Variants in DLG2 observed in about 807,000 individuals in gnomAD.
DLG2 encodes disks large homolog 2.
Under a neutral mutation model 132.5 loss-of-function variants are expected in DLG2, and 45 were observed. That is an observed-to-expected ratio of 0.34 (90% CI 0.27 to 0.44). DLG2 has a LOEUF of 0.44. DLG2 is among the 20% of genes least tolerant of loss of function. The pLI is 1.00. For synonymous variants in DLG2, 424 were observed against 419.6 expected (o/e 1.01, Z -0.13); for missense variants, 1,045 against 1,196.9 (o/e 0.87, Z 1.87).
chr11:85,286,530 G>A (rs1489885578), intron 3 of DLG2, among the ~76,000 whole-genome samples: 29 of 152,220 alleles, frequency 1.9e-4, no homozygotes. Flanking sequence ...TGGCCTCTGT[G>A]CAGCATTGCT....
At chr11:85,600,714 C>T (rs920094741) in intron 2 of DLG2, among the ~76,000 whole-genome samples, 2 of 152,086 alleles carry the variant, frequency 1.3e-5, no homozygotes, top group Admixed American at 6.5e-5. Context: ...AATAAAACAA[C>T]AAAGATAGTT....
At chr11:83,607,790 G>T (rs746743301) in intron 19 of DLG2, among the ~76,000 whole-genome samples, 46 of 152,148 alleles carry the variant, frequency 3.0e-4, no homozygotes, top group Non-Finnish European at 4.7e-4. Context: ...GTAATAAAAA[G>T]CAGCAGACTA....
chr11:83,675,289 G>C (rs1438213283), intron 18 of DLG2, among the ~76,000 whole-genome samples: 4 of 152,148 alleles, frequency 2.6e-5, no homozygotes, highest in Admixed American at 1.3e-4. Context: ...TTGACATTTT[G>C]TTAACAAATA....
In DLG2 at chr11:83,545,073, G is replaced by A. The variant is rs989546865; in HGVS notation, c.1941-3215C>T. ...GCCTGACTCCAGGCTCCTTCTGGAT[G>A]TAAACTATGGGGAGTTGAGGTAGAG... On this transcript the variant is annotated intron_variant, in intron 19 of 27. Coordinates refer to ENST00000376104, the MANE Select transcript of DLG2 (RefSeq NM_001142699.3). Among the ~76,000 whole-genome samples, 3 of 152,222 alleles carry A rather than the reference G, an allele frequency of 2.0e-5. No individual in the cohort carries two copies. In the South Asian group the frequency reaches 6.2e-4, roughly 32 times the overall value.
intron 6 of DLG2, among the ~76,000 whole-genome samples, chr11:85,075,350 C>G (rs1257205822): frequency 6.6e-6 from 1 of 151,774 alleles, no homozygotes; most frequent in Non-Finnish European, 1.5e-5. Flanking sequence ...GGATGTGTGT[C>G]TAAGGATGTT....
At chr11:84,854,802 T>G (rs867895458) in intron 6 of DLG2, among the ~76,000 whole-genome samples, 1 of 152,048 alleles carries the variant, frequency 6.6e-6, no homozygotes, top group South Asian at 2.1e-4. Context: ...TGTGGACTGC[T>G]CTCTGTACCC....
chr11:84,633,169 T>C (rs1189140619), intron 6 of DLG2, among the ~76,000 whole-genome samples: 2 of 152,218 alleles, frequency 1.3e-5, no homozygotes, highest in African/African-American at 4.8e-5. Flanking sequence ...ATTATTTCCC[T>C]GTTTGAAACT....
intron 6 of DLG2, among the ~76,000 whole-genome samples, chr11:85,064,068 T>A (rs1024620346): frequency 6.6e-6 from 1 of 151,750 alleles, no homozygotes; most frequent in East Asian, 1.9e-4. Context: ...AAAAAACAAA[T>A]ACGAGGACAA....
At position 83,788,144 on chromosome 11, in the gene DLG2, T is replaced by G. The variant is rs143943569; in HGVS notation, c.1723-1352A>C. Reference sequence around the variant, plus strand: ...GCTTATACACGTTCAAAATGTATAATCGTATTTTGCTTTTCATCAATCCTA... The same window carrying G: ...GCTTATACACGTTCAAAATGTATAAGCGTATTTTGCTTTTCATCAATCCTA... On this transcript the variant is annotated intron_variant, in intron 17 of 27. Coordinates refer to ENST00000376104, the MANE Select transcript of DLG2 (RefSeq NM_001142699.3). 9.9e-3 allele frequency among the ~76,000 whole-genome samples: 1,505 copies of G among 152,342 alleles called. 24 individuals are homozygous for G. Among genetic ancestry groups the G allele is most frequent in the African/African-American group, 0.034 (1,401 of 41,572 alleles).
chr11:85,066,531 CA>C (rs1423758982), intron 6 of DLG2, among the ~76,000 whole-genome samples: 2 of 151,450 alleles, frequency 1.3e-5, no homozygotes, highest in African/African-American at 2.4e-5. Flanking sequence ...AAGATAGAGG[CA>C]AAAATTCTCA....
intron 6 of DLG2, among the ~76,000 whole-genome samples, chr11:84,927,434 G>A (rs769812597): frequency 6.7e-4 from 102 of 152,078 alleles, no homozygotes; most frequent in Non-Finnish European, 4.6e-4. Context: ...GTGGGAATCA[G>A]GAATCAGTAT....
chr11:85,133,139 A>C (rs2075862486), intron 5 of DLG2: 1 of 199,326 alleles, frequency 5.0e-6, no homozygotes, highest in Admixed American at 5.1e-5. Context: ...GATGAGTGTA[A>C]CACCAAGCAC....
At chr11:83,729,663 G>C (rs1398933881) in intron 18 of DLG2, among the ~76,000 whole-genome samples, 2 of 152,210 alleles carry the variant, frequency 1.3e-5, no homozygotes, top group Non-Finnish European at 2.9e-5. Context: ...CAGGGCTGCA[G>C]ATAAAATTCT....
chr11:85,149,418 C>G (rs1361283184), intron 5 of DLG2, among the ~76,000 whole-genome samples: 1 of 152,134 alleles, frequency 6.6e-6, no homozygotes, highest in Non-Finnish European at 1.5e-5. Context: ...TCTCTTATTT[C>G]AGTATGGTGA....
intron 6 of DLG2, among the ~76,000 whole-genome samples, chr11:84,972,873 C>T (rs1047862500): frequency 1.3e-5 from 2 of 152,050 alleles, no homozygotes; most frequent in Admixed American, 6.5e-5. Context: ...GGCAGACTGC[C>T]TGGGTTCAAT....
chr11:84,188,348 C>A (rs546322515), intron 8 of DLG2, among the ~76,000 whole-genome samples: 5 of 152,032 alleles, frequency 3.3e-5, no homozygotes, highest in Non-Finnish European at 7.4e-5. Context: ...TAAGTAATAA[C>A]CATTAGTTTT....
intron 6 of DLG2, among the ~76,000 whole-genome samples, chr11:84,723,239 T>G (rs75096759): frequency 0.029 from 4,434 of 152,294 alleles, 181 homozygotes; most frequent in East Asian, 0.19. Context: ...CTTTCCCTGA[T>G]GAATTACCCA....
chr11:85,148,029 T>C (rs552916094), intron 5 of DLG2, among the ~76,000 whole-genome samples: 1 of 152,272 alleles, frequency 6.6e-6, no homozygotes, highest in African/African-American at 2.4e-5. Flanking sequence ...TTGTGTTAGT[T>C]TGCTGAGGAT....
intron 6 of DLG2, among the ~76,000 whole-genome samples, chr11:84,863,377 A>C (rs2084052991): frequency 6.6e-6 from 1 of 152,052 alleles, no homozygotes; most frequent in Non-Finnish European, 1.5e-5. Context: ...CTTTTCCTTC[A>C]TAATGTTTTC....
Sources: gnomAD v4.1 joint callset for allele counts (sites outside exome capture counted in the v4.1 genomes callset) on GRCh38, gnomAD v4.1.1 for gene constraint, MANE v1.5 for transcripts, NCBI Gene and HGNC (gene_info 2026-07-23, HGNC 2026-07-21) for gene names.